ARB2A: variants seen among roughly 807,000 people sequenced by gnomAD.
ARB2A encodes the protein cotranscriptional regulator ARB2A.
chr5:94,093,505 A>T, the ARB2A span, among the ~76,000 whole-genome samples: 6 of 152,302 alleles, frequency 3.9e-5, no homozygotes, highest in East Asian at 1.2e-3. Flanking sequence ...ATCCTAGTGG[A>T]TCAGGGTCCC....
chr5:93,830,351 A>ATATATATC, the ARB2A span, among the ~76,000 whole-genome samples: 2 of 138,956 alleles, frequency 1.4e-5, no homozygotes, highest in South Asian at 4.6e-4. Flanking sequence ...ATATATATAT[A>ATATATATC]TCCACACACA....
chr5:94,081,736 C>A, the ARB2A span, among the ~76,000 whole-genome samples: 2 of 152,018 alleles, frequency 1.3e-5, no homozygotes, highest in African/African-American at 4.8e-5. Context: ...TATGTAGTTT[C>A]TTTTTGAGGT....
At chr5:94,054,277 T>G in the ARB2A span, among the ~76,000 whole-genome samples, 143 of 152,276 alleles carry the variant, frequency 9.4e-4, no homozygotes, top group African/African-American at 3.4e-3. Context: ...GTTCATTTTC[T>G]TTTCCAGGAT....
chr5:93,765,900 T>A, the ARB2A span, among the ~76,000 whole-genome samples: 5 of 152,320 alleles, frequency 3.3e-5, no homozygotes, highest in South Asian at 6.2e-4. Flanking sequence ...TACAACCATC[T>A]GATCTTTGAC....
chr5:93,664,506 C>T, the ARB2A span, among the ~76,000 whole-genome samples: 1 of 151,760 alleles, frequency 6.6e-6, no homozygotes, highest in African/African-American at 2.4e-5. Context: ...TGGCGGGCAC[C>T]TGTACTCCCA....
chr5:93,875,800 C>CA, the ARB2A span, among the ~76,000 whole-genome samples: 1,881 of 112,502 alleles, frequency 0.017, 29 homozygotes, highest in African/African-American at 0.048. Context: ...GATCTGGGGG[C>CA]AAAAAAAAAA....
chr5:93,904,059 CATGG>C, the ARB2A span, among the ~76,000 whole-genome samples: 6 of 151,766 alleles, frequency 4.0e-5, no homozygotes, highest in Non-Finnish European at 5.9e-5. Flanking sequence ...AATTCTAACT[CATGG>C]CAGAGAAGTA....
the ARB2A span, among the ~76,000 whole-genome samples, chr5:93,974,335 A>G: frequency 1.8e-4 from 28 of 152,234 alleles, no homozygotes; most frequent in Non-Finnish European, 2.8e-4. Flanking sequence ...TTCCTATATC[A>G]GATAAAATAG....
the ARB2A span, among the ~76,000 whole-genome samples, chr5:93,888,543 T>G: frequency 6.6e-6 from 1 of 151,906 alleles, no homozygotes; most frequent in Non-Finnish European, 1.5e-5. Context: ...GGAAGTCCAA[T>G]GTTCTCCTAA....
At chr5:93,935,041 A>G in the ARB2A span, among the ~76,000 whole-genome samples, 1 of 152,188 alleles carries the variant, frequency 6.6e-6, no homozygotes, top group Non-Finnish European at 1.5e-5. Context: ...ACGCAAAGGC[A>G]TAAGAATGAT....
At chr5:93,919,971 C>T in the ARB2A span, among the ~76,000 whole-genome samples, 1 of 152,126 alleles carries the variant, frequency 6.6e-6, no homozygotes, top group Non-Finnish European at 1.5e-5. Flanking sequence ...TGTACATTTG[C>T]TTTATTTTTT....
chr5:93,742,228 C>T, the ARB2A span, among the ~76,000 whole-genome samples: 1 of 152,132 alleles, frequency 6.6e-6, no homozygotes, highest in Non-Finnish European at 1.5e-5. Context: ...TGTTTCTTCC[C>T]CTAGCCTTGA....
chr5:94,022,067 G>A, the ARB2A span, among the ~76,000 whole-genome samples: 2 of 151,612 alleles, frequency 1.3e-5, no homozygotes, highest in Non-Finnish European at 2.9e-5. Flanking sequence ...AAACTCTGTC[G>A]CAAATAATAA....
At chr5:93,697,974 T>C in the ARB2A span, among the ~76,000 whole-genome samples, 3 of 152,144 alleles carry the variant, frequency 2.0e-5, no homozygotes, top group Non-Finnish European at 4.4e-5. Flanking sequence ...TTGAAAAATA[T>C]AGTCTCAGAC....
At chr5:94,010,873 G>T in the ARB2A span, among the ~76,000 whole-genome samples, 1 of 152,086 alleles carries the variant, frequency 6.6e-6, no homozygotes, top group Non-Finnish European at 1.5e-5. Context: ...GTTCATAATG[G>T]GTTGAGTGTA....
chr5:93,816,167 T>C, the ARB2A span, among the ~76,000 whole-genome samples: 2 of 152,328 alleles, frequency 1.3e-5, no homozygotes, highest in African/African-American at 4.8e-5. Context: ...CTAGAAGTCC[T>C]TTCCAATTTG....
chr5:93,686,386 T>C, the ARB2A span, among the ~76,000 whole-genome samples: 1 of 152,184 alleles, frequency 6.6e-6, no homozygotes, highest in Non-Finnish European at 1.5e-5. Flanking sequence ...TCCAGTCTAT[T>C]TCACCTGCCT....
At chr5:93,875,306 G>A in the ARB2A span, among the ~76,000 whole-genome samples, 2 of 151,708 alleles carry the variant, frequency 1.3e-5, no homozygotes, top group East Asian at 1.9e-4. Context: ...ATCTCGGCTG[G>A]CTGCAACCTC....
At chr5:93,652,915 G>A in the ARB2A span, among the ~76,000 whole-genome samples, 4 of 152,094 alleles carry the variant, frequency 2.6e-5, no homozygotes, top group Admixed American at 2.6e-4. Context: ...AAAAAGGAGA[G>A]AACAAAAATG....
Sources: gnomAD v4.1 joint callset for allele counts (sites outside exome capture counted in the v4.1 genomes callset) on GRCh38, gnomAD v4.1.1 for gene constraint, MANE v1.5 for transcripts, NCBI Gene and HGNC (gene_info 2026-07-23, HGNC 2026-07-21) for gene names.